COQ10A: variants seen among roughly 807,000 people sequenced by gnomAD.
COQ10A encodes coenzyme Q10A, also known as coenzyme Q-binding protein COQ10 homolog A, mitochondrial.
COQ10A carries 25 observed loss-of-function variants against 26.1 expected under a neutral mutation model. The ratio of observed to expected loss-of-function variants is 0.96; its 90% confidence interval spans 0.70 to 1.34. The LOEUF is 1.34. COQ10A is among the 40% of genes most tolerant of loss of function. The pLI, the probability that COQ10A is intolerant of heterozygous loss-of-function variation, is 0.00. For missense variants in COQ10A, 312 were observed against 335.4 expected, an observed-to-expected ratio of 0.93 and a Z score of 0.54; for synonymous variants, 132 against 124.0, an observed-to-expected ratio of 1.06 and a Z score of -0.43.
At position 56,267,312 on chromosome 12, in the gene COQ10A, G is replaced by C. The variant is rs1872378216; in HGVS notation, c.134+60G>C. On this transcript the variant is annotated intron_variant, in intron 1 of 4. Transcript: ENST00000308197. ...GTCGCTGCGAACCCCGGGGTTCCGC[G>C]GTGGAGGGGTGCTATACTGGGATGC... 36 of 1,601,844 alleles carry C rather than the reference G, an allele frequency of 2.2e-5. 2 individuals are homozygous for C. In the South Asian group the frequency reaches 4.0e-4, roughly 18 times the overall value.
intron 1 of COQ10A, 27 bp from the exon 2 acceptor site, chr12:56,267,767 G>A (rs1051963015): frequency 5.0e-6 from 8 of 1,613,882 alleles, no homozygotes; most frequent in Non-Finnish European, 6.8e-6. Context: ...GAACTATACG[G>A]TTGGCTCCTC....
chr12:56,267,140 C>T lies in COQ10A; in HGVS notation c.22C>T (p.Arg8Trp), dbSNP rs566400325. The T allele has an allele frequency of 1.5e-6, 2 of 1,304,156 alleles. No homozygotes were observed. The highest frequency in any genetic ancestry group is 3.2e-5 in the East Asian group (1 of 31,604). The allele number at this position is 1,304,156 out of a possible 1,614,324, so 80.8% of individuals were successfully genotyped here. A position where few individuals can be genotyped will look rare whatever the true frequency, so the allele number is the denominator to read the frequency against. Residue 8 changes from arginine to tryptophan, a missense_variant, in exon 1 of 5, where the codon CGG (arginine) becomes TGG (tryptophan). Transcript: ENST00000308197. ...GCGCATGGCCTGGGCGGGCTCGCGG[C>T]GGGTCCCAGCTGGGACGCGCGCGGC... MAWAGSRRVPAGTRAAAE... is the reference protein window; with the variant it reads MAWAGSRWVPAGTRAAAE...
rs374495036 is a variant in COQ10A, at chr12:56,269,559, T to C, written c.574T>C (p.Ser192Pro). ...AYPRTCTVDF[S>P]ISFEFRSLLH... ...TCCTCGAACCTGCACTGTGGACTTT[T>C]CGGTGAGTCAGGAGGTTGTGTAGCA... Residue 192 changes from serine (S) to proline (P), a missense_variant and splice_region_variant, in exon 4 of 5, where the codon TCG becomes CCG. Physicochemically the swap from Ser to Pro is moderately conservative, Grantham distance 74. Transcript: ENST00000308197. The C allele has an allele frequency of 6.1e-5, 99 of 1,609,774 alleles. No individual in the cohort carries two copies. The highest frequency in any genetic ancestry group is 8.3e-5 in the Admixed American group (5 of 59,986).
At chr12:56,269,358 T>C (rs1872440452) in intron 3 of COQ10A, 102 bp from the exon 4 acceptor site, 1 of 1,445,644 alleles carries the variant, frequency 6.9e-7, no homozygotes, top group Non-Finnish European at 9.7e-7. Flanking sequence ...ATGTGTCAAG[T>C]ATTTCCCTCA....
In COQ10A at chr12:56,267,133, C is replaced by T. The variant is rs1381012901; in HGVS notation, c.15C>T (p.Gly5=). Residue 5 remains glycine (G), a synonymous_variant, in exon 1 of 5, where the codon GGC becomes GGT. Transcript: ENST00000308197. ...GGGTCGCGCGCATGGCCTGGGCGGG[C>T]TCGCGGCGGGTCCCAGCTGGGACGC... MAWA[G]SRRVPAGTRA... The T allele has an allele frequency of 2.3e-6, 3 of 1,302,382 alleles. No homozygotes were observed. The highest frequency in any genetic ancestry group is 2.9e-6 in the Non-Finnish European group (3 of 1,031,164). The allele number at this position is 1,302,382 out of a possible 1,614,324, so 80.7% of individuals were successfully genotyped here.
At position 56,268,058 on chromosome 12, in the gene COQ10A, C is replaced by G. The variant is rs902764972; in HGVS notation, c.281+118C>G. 1.4e-5 allele frequency: 18 copies of G among 1,280,216 alleles called. No individual in the cohort carries two copies. The Middle Eastern group carries it at 7.9e-4, about 56-fold the overall frequency. The allele number at this position is 1,280,216 out of a possible 1,614,324, so 79.3% of individuals were successfully genotyped here. A position where few individuals can be genotyped will look rare whatever the true frequency, so the allele number is the denominator to read the frequency against. The stretch of plus-strand genomic sequence containing the variant: ...GATTCATCCCTAGCCATCCCCCTCC[C>G]CAGCTACAATACTGATCCTCAGTCC... On this transcript the variant is annotated intron_variant, in intron 2 of 4. Coordinates refer to ENST00000308197, the MANE Select transcript of COQ10A (RefSeq NM_144576.4).
At chr12:56,269,335 G>A (rs1008205303) in intron 3 of COQ10A, 84 bp downstream of exon 3, 4 of 1,491,590 alleles carry the variant, frequency 2.7e-6, no homozygotes, top group Non-Finnish European at 3.7e-6. Flanking sequence ...TTCCTTGTAA[G>A]TACTTTATGT....
chr12:56,269,789 G>C, intron 4 of COQ10A: 1 of 534,392 alleles, frequency 1.9e-6, no homozygotes, highest in South Asian at 2.1e-5. Context: ...TACCAAGCCC[G>C]ACTGATTTTT....
In COQ10A at chr12:56,267,928, G is replaced by A; in HGVS notation, c.269G>A (p.Arg90His). The change falls in exon 2 of 5, where the codon CGT becomes CAT. Residue 90 changes from arginine (R) to histidine (H), a missense_variant. Arg to His is a conservative substitution (Grantham distance 29, BLOSUM62 0). Coordinates refer to ENST00000308197, the MANE Select transcript of COQ10A (RefSeq NM_144576.4). ...FTNKRKAYSE[R>H]RIMGYSMQEM... ...AACAAGCGAAAGGCTTACTCGGAGC[G>A]TAGAATCATGGGGTAAGCATTCTCT... The A allele has an allele frequency of 6.2e-7, 1 of 1,614,108 alleles. No individual in the cohort carries two copies. The highest frequency in any genetic ancestry group is 1.1e-5 in the South Asian group (1 of 91,074).
intron 4 of COQ10A, 29 bp downstream of exon 4, chr12:56,269,590 C>A: frequency 6.8e-7 from 1 of 1,460,224 alleles, no homozygotes; most frequent in Non-Finnish European, 9.6e-7. Context: ...TAGCAGAGGA[C>A]GAGGACTGGG....
intron 1 of COQ10A, chr12:56,267,576 T>C (rs1872387343): frequency 8.9e-6 from 10 of 1,128,164 alleles, no homozygotes; most frequent in Non-Finnish European, 1.3e-5. Context: ...CTTTTTCTCA[T>C]CCCCCTCACC....
rs1200671296 is a variant in COQ10A at position 56,270,271 on chromosome 12, C to A, written c.698C>A (p.Thr233Lys). ...RRAATKFGPE[T>K]AIPRELMFHE... ...GCAGCCACCAAGTTTGGTCCAGAAA[C>A]AGCCATCCCCCGTGAACTGATGTTC... Residue 233 changes from threonine (T) to lysine (K), a missense_variant, in exon 5 of 5, where the codon ACA becomes AAA. Transcript: ENST00000308197. 1 of 1,614,174 alleles carries A rather than the reference C, an allele frequency of 6.2e-7. No homozygotes were observed. Among genetic ancestry groups the A allele is most frequent in the South Asian group, 1.1e-5 (1 of 91,078 alleles).
intron 1 of COQ10A, 80 bp downstream of exon 1, chr12:56,267,332 G>A: frequency 6.2e-7 from 1 of 1,613,518 alleles, no homozygotes; most frequent in Non-Finnish European, 8.5e-7. Flanking sequence ...TGCTATACTG[G>A]GATGCAGGCG....
chr12:56,269,212 C>T lies in COQ10A; in HGVS notation c.435C>T (p.Tyr145=), dbSNP rs1213092417. 7 of 1,614,054 alleles carry T rather than the reference C, an allele frequency of 4.3e-6. No homozygotes were observed. In the South Asian group the frequency reaches 4.4e-5, roughly 10 times the overall value. ...GCTTTCCACCTGTCATGGAACGTTA[C>T]ACCTCTGCAGTTTCCATGGTCAAAC... ...EVGFPPVMER[Y]TSAVSMVKPH... is the part of the protein sequence containing the mutation. Residue 145 remains tyrosine (Y), a synonymous_variant, in exon 3 of 5, where the codon TAC becomes TAT. Transcript: ENST00000308197.
intron 2 of COQ10A, 176 bp from the exon 3 acceptor site, chr12:56,268,883 C>G: frequency 1.7e-6 from 1 of 582,974 alleles, no homozygotes; most frequent in Non-Finnish European, 3.1e-6. Flanking sequence ...TATAAGGTAA[C>G]AGTATCATAA....
At chr12:56,268,203 G>A in intron 2 of COQ10A, 1 of 465,314 alleles carries the variant, frequency 2.1e-6, no homozygotes. Context: ...GGGTGCGGTG[G>A]CTCACGCCTG....
chr12:56,270,485 G>A lies in COQ10A; in HGVS notation c.*168G>A. The A allele has an allele frequency of 7.2e-6, 5 of 697,286 alleles. No individual in the cohort carries two copies. The highest frequency in any genetic ancestry group is 4.0e-5 in the South Asian group (2 of 50,626). The allele number at this position is 697,286 out of a possible 1,614,324, so 43.2% of individuals were successfully genotyped here. ...TCTATGCTGGCTGGAAATGTTGGGG[G>A]AAAGAGAAGGCAAAGGATGTGGAAA... On this transcript the variant is annotated 3_prime_UTR_variant, in exon 5 of 5. Transcript: ENST00000308197.
chr12:56,267,027 C>A lies in COQ10A; in HGVS notation c.-92C>A. The stretch of plus-strand genomic sequence containing the variant: ...CGCCCCTGCGCTCAGAGGTCCCGAA[C>A]CAGCCCAGCCGCTGCCTCTTGCCGC... On this transcript the variant is annotated 5_prime_UTR_variant, in exon 1 of 5. Transcript: ENST00000308197. 1 of 1,188,850 alleles carries A rather than the reference C, an allele frequency of 8.4e-7. No individual in the cohort carries two copies. The highest frequency in any genetic ancestry group is 1.0e-6 in the Non-Finnish European group (1 of 956,932). 73.6% of individuals were successfully genotyped at this position (1,188,850 alleles called of 1,614,324 possible).
At chr12:56,268,076 C>A in intron 2 of COQ10A, 136 bp downstream of exon 2, 1 of 1,084,146 alleles carries the variant, frequency 9.2e-7, no homozygotes, top group South Asian at 1.5e-5. Context: ...AATACTGATC[C>A]TCAGTCCTCC....
Sources: allele counts gnomAD v4.1 joint callset, GRCh38; gene constraint gnomAD v4.1.1; transcripts MANE v1.5; gene names NCBI Gene and HGNC (gene_info 2026-07-23, HGNC 2026-07-21).